PRSS36: variants seen among roughly 807,000 people sequenced by gnomAD.
PRSS36 encodes serine protease 36.
PRSS36 carries 90 observed loss-of-function variants against 94.3 expected under a neutral mutation model. The ratio of observed to expected loss-of-function variants is 0.95; its 90% confidence interval spans 0.80 to 1.14. The LOEUF is 1.14. Ranked by LOEUF, PRSS36 falls within the 50% of genes most tolerant of loss-of-function variation. The probability of loss-of-function intolerance (pLI) is 0.00; values close to 1 mark genes in which losing one functional copy is unlikely to be tolerated. For missense variants in PRSS36, 1,158 were observed against 1,135.0 expected (o/e 1.02, Z -0.29); for synonymous variants, 500 against 489.6 (o/e 1.02, Z -0.28).
Position 31,149,704 on chromosome 16 carries a change from T to C in PRSS36, c.65A>G (p.Gln22Arg). The change falls in exon 2 of 15, where the codon CAG (glutamine) becomes CGG (arginine). Residue 22 changes from glutamine (Q) to arginine (R), a missense_variant. By Grantham distance (43) the Gln-to-Arg change is conservative. Transcript: ENST00000268281. ...LVISPIPGAF[Q>R]DSALSPTQEE... ...CAGTCCGGCTACCTTACCTGAGTCC[T>C]GGAAGGCTCCTGGGATGGGACTGAT... is the stretch of plus-strand genomic sequence containing the variant. 6.2e-7 allele frequency: 1 copy of C among 1,614,196 alleles called. No individual in the cohort carries two copies. The highest frequency in any genetic ancestry group is 8.5e-7 in the Non-Finnish European group (1 of 1,180,026).
intron 14 of PRSS36, among the ~76,000 whole-genome samples, chr16:31,139,882 A>AAG: frequency 2.2e-5 from 1 of 45,072 alleles, no homozygotes; most frequent in African/African-American, 3.9e-5. Flanking sequence ...TCAGTCTCAA[A>AAG]AAAAAAAAAA....
intron 2 of PRSS36, 49 bp downstream of exon 2, chr16:31,149,647 G>C (rs1236953200): frequency 6.2e-7 from 1 of 1,612,760 alleles, no homozygotes; most frequent in Non-Finnish European, 8.5e-7. Context: ...CCAGTCCTCT[G>C]GTCTTTTCTG....
rs1024841000 is a variant in PRSS36, at chr16:31,143,856, A to G, written c.721-19T>C. Reference sequence around the variant, plus strand: ...AGTCACCCTAGTGGCAGATGACTGCATGTCAAGGGGTCAGCCCAGGGACCT... The same window carrying G: ...AGTCACCCTAGTGGCAGATGACTGCGTGTCAAGGGGTCAGCCCAGGGACCT... On this transcript the variant is annotated intron_variant, in intron 6 of 14. Transcript: ENST00000268281. 21 of 1,612,328 alleles carry G rather than the reference A, an allele frequency of 1.3e-5. No individual in the cohort carries two copies. The highest frequency in any genetic ancestry group is 1.1e-4 in the East Asian group (5 of 44,890).
At chr16:31,144,542 A>G (rs780396833) in intron 6 of PRSS36, among the ~76,000 whole-genome samples, 1 of 152,182 alleles carries the variant, frequency 6.6e-6, no homozygotes, top group Non-Finnish European at 1.5e-5. Flanking sequence ...TCCTGGGCTC[A>G]AGTGATCCTC....
chr16:31,145,401 C>T (rs575718607), intron 6 of PRSS36, among the ~76,000 whole-genome samples: 8 of 148,000 alleles, frequency 5.4e-5, no homozygotes, highest in East Asian at 3.9e-4. Flanking sequence ...AAAGGAACTC[C>T]GTCTCAAAAA....
chr16:31,149,028 G>T (rs1437022589), intron 4 of PRSS36, 45 bp downstream of exon 4: 2 of 1,525,630 alleles, frequency 1.3e-6, no homozygotes, highest in Admixed American at 2.1e-5. Context: ...GGGGGCGGGG[G>T]CCAGCTTTTG....
In PRSS36 at chr16:31,148,463, C is replaced by T; in HGVS notation, c.485G>A (p.Arg162His). 6.4e-7 allele frequency: 1 copy of T among 1,574,504 alleles called. No individual in the cohort carries two copies. The highest frequency in any genetic ancestry group is 1.3e-5 in the African/African-American group (1 of 74,116). Reference sequence around the variant, plus strand: ...GCCGTGCACGAAGCGGTGTGAGGCGCGGGGCAGGCAGACAGGCCACACGGC... The same window carrying T: ...GCCGTGCACGAAGCGGTGTGAGGCGTGGGGCAGGCAGACAGGCCACACGGC... ...GPAVWPVCLP[R>H]ASHRFVHGTA... The change falls in exon 5 of 15, where the codon CGC (arginine) becomes CAC (histidine). Residue 162 changes from arginine to histidine, a missense_variant. By Grantham distance (29) the Arg-to-His change is conservative. Transcript: ENST00000268281.
Position 31,145,380 on chromosome 16 carries a change from AAAAAAAAAAAAAAGG to A in PRSS36, c.720+394_720+408del, listed in dbSNP as rs1349969353. Among the ~76,000 whole-genome samples, 5 of 150,348 alleles carry A rather than the reference AAAAAAAAAAAAAAGG, an allele frequency of 3.3e-5. No homozygotes were observed. The East Asian group carries it at 9.7e-4, about 29-fold the overall frequency. The stretch of plus-strand genomic sequence containing the variant: ...TGAGCAAGACTCCGTCTCAAAAAAA[AAAAAAAAAAAAAAGG>A]AACTCCGTCTCAAAAAATAAATTAA... On this transcript the variant is annotated intron_variant, in intron 6 of 14. Transcript: ENST00000268281.
At position 31,140,673 on chromosome 16, in the gene PRSS36, G is replaced by T; in HGVS notation, c.1986C>A (p.Ser662=). Residue 662 remains serine (S), a synonymous_variant, in exon 13 of 15, where the codon TCC becomes TCA. Coordinates refer to ENST00000268281, the MANE Select transcript of PRSS36 (RefSeq NM_173502.5). ...ASSLPQGHQV[S]RLVISIRLPQ... is the part of the protein sequence containing the mutation. ...GCAGCCGGATGCTGATGACCAAGCGGGATACCTGGTGGCCCTGTGGGAGGG... is the reference window on the plus strand; with the variant it reads ...GCAGCCGGATGCTGATGACCAAGCGTGATACCTGGTGGCCCTGTGGGAGGG... 6.2e-7 allele frequency: 1 copy of T among 1,614,054 alleles called. No individual in the cohort carries two copies.
In PRSS36 at chr16:31,141,591, C is replaced by T. The variant is rs1567445001; in HGVS notation, c.1779G>A (p.Glu593=). 6.2e-7 allele frequency: 1 copy of T among 1,613,440 alleles called. No individual in the cohort carries two copies. The highest frequency in any genetic ancestry group is 8.5e-7 in the Non-Finnish European group (1 of 1,179,954). The stretch of plus-strand genomic sequence containing the variant: ...GCCACAGGACCCCCACTGGAGCAGC[C>T]TCCAGCCGCAGGCCACAGGCTAGGG... ...TEHGACGLRL[E]AAPVGVLWPW... Residue 593 remains glutamate, a synonymous_variant, in exon 12 of 15, where the codon GAG becomes GAA. Transcript: ENST00000268281.
chr16:31,148,489 G>T lies in PRSS36; in HGVS notation c.459C>A (p.Pro153=), dbSNP rs561935518. The change falls in exon 5 of 15, where the codon CCC becomes CCA. Residue 153 remains proline (P), a synonymous_variant. Transcript: ENST00000268281. ...GGGGCAGGCAGACAGGCCACACGGC[G>T]GGGCCCAGGCTGGCGGGTGAGGCCA... The part of the protein sequence containing the change: ...LRLASPASLG[P]AVWPVCLPRA... The T allele has an allele frequency of 5.7e-6, 9 of 1,578,838 alleles. No individual in the cohort carries two copies. Among genetic ancestry groups the T allele is most frequent in the Non-Finnish European group, 7.7e-6 (9 of 1,167,948 alleles).
chr16:31,148,353 C>T, intron 5 of PRSS36, 42 bp downstream of exon 5: 1 of 1,495,558 alleles, frequency 6.7e-7, no homozygotes, highest in Non-Finnish European at 8.8e-7. Context: ...TCTCGAAGCC[C>T]CACCTCCCCG....
In PRSS36 at chr16:31,148,477, AG is replaced by A; in HGVS notation, c.470del (p.Pro157LeufsTer42). 1 of 1,576,914 alleles carries A rather than the reference AG, an allele frequency of 6.3e-7. No individual in the cohort carries two copies. ...SPASLGPAVW[P>X]VCLPRASHRF... ...GGTGTGAGGCGCGGGGCAGGCAGAC[AG>A]GCCACACGGCGGGGCCCAGGCTGGC... On this transcript the variant is annotated frameshift_variant, in exon 5 of 15. Transcript: ENST00000268281. LOFTEE classifies it high-confidence loss of function.
At position 31,141,888 on chromosome 16, in the gene PRSS36, T is replaced by TG. The variant is rs2057699667; in HGVS notation, c.1593dup (p.Ser532GlnfsTer39). 6.2e-7 allele frequency: 1 copy of TG among 1,614,022 alleles called. No individual in the cohort carries two copies. Among genetic ancestry groups the TG allele is most frequent in the Non-Finnish European group, 8.5e-7 (1 of 1,180,026 alleles). Reference sequence around the variant, plus strand: ...AAGGCTCGGGGACGTAGACAGCCACTGGGAAAGTCTCTGATTCCAGCCAGA... The same window carrying TG: ...AAGGCTCGGGGACGTAGACAGCCACTGGGGAAAGTCTCTGATTCCAGCCAGA... On this transcript the variant is annotated frameshift_variant, in exon 11 of 15. Transcript: ENST00000268281. LOFTEE classifies it high-confidence loss of function.
At chr16:31,140,200 A>C (rs8047469) in intron 14 of PRSS36, 94 bp downstream of exon 14, 1 of 1,159,652 alleles carries the variant, frequency 8.6e-7, no homozygotes, top group Non-Finnish European at 1.1e-6. Context: ...AAAAAAAAAA[A>C]AAAAAAAAAA....
At position 31,142,876 on chromosome 16, in the gene PRSS36, G is replaced by C. The variant is rs964560739; in HGVS notation, c.1218C>G (p.Asp406Glu). Reference protein sequence around the residue: ...RLVQHENASWDNASDLALLQL... With the variant: ...RLVQHENASWENASDLALLQL... The stretch of plus-strand genomic sequence containing the variant: ...GCAGCAGCGCCAGGTCCGAGGCGTT[G>C]TCCCACGAAGCGTTCTCGTGCTGCA... The change falls in exon 9 of 15, where the codon GAC becomes GAG. Residue 406 changes from aspartate to glutamate, a missense_variant. Asp to Glu is a conservative substitution (Grantham distance 45). Coordinates refer to ENST00000268281, the MANE Select transcript of PRSS36 (RefSeq NM_173502.5). The C allele has an allele frequency of 1.9e-6, 3 of 1,560,726 alleles. No individual in the cohort carries two copies. Among genetic ancestry groups the C allele is most frequent in the African/African-American group, 1.4e-5 (1 of 70,482 alleles).
chr16:31,148,689 G>C lies in PRSS36; in HGVS notation c.273-14C>G, dbSNP rs749749254. 3.4e-5 allele frequency: 54 copies of C among 1,611,762 alleles called. No individual in the cohort carries two copies. The highest frequency in any genetic ancestry group is 4.5e-5 in the Non-Finnish European group (53 of 1,179,420). ...AGCGTCCCATTCCTGCGCTCGACCGGGGCAGTAGGAGGTTAGGTTGACCCT... is the reference window on the plus strand; with the variant it reads ...AGCGTCCCATTCCTGCGCTCGACCGCGGCAGTAGGAGGTTAGGTTGACCCT... On this transcript the variant is annotated splice_polypyrimidine_tract_variant and intron_variant, in intron 4 of 14. Coordinates refer to ENST00000268281, the MANE Select transcript of PRSS36 (RefSeq NM_173502.5).
In PRSS36 at chr16:31,145,895, G is replaced by T; in HGVS notation, c.614C>A (p.Thr205Asn). 2 of 1,614,004 alleles carry T rather than the reference G, an allele frequency of 1.2e-6. No homozygotes were observed. The highest frequency in any genetic ancestry group is 1.7e-6 in the Non-Finnish European group (2 of 1,179,964). The change falls in exon 6 of 15, where the codon ACC becomes AAC. Residue 205 changes from threonine (T) to asparagine (N), a missense_variant. Physicochemically the swap from Thr to Asn is moderately conservative, Grantham distance 65. Transcript: ENST00000268281. ...EVELRLLGEA[T>N]CQCLYSQPGP... ...GGGCTGGCTGTAGAGACATTGACAGGTGGCCTCGCCCAGCAGCCTTAGCTC... is the reference window on the plus strand; with the variant it reads ...GGGCTGGCTGTAGAGACATTGACAGTTGGCCTCGCCCAGCAGCCTTAGCTC...
chr16:31,140,835 A>G, intron 12 of PRSS36, 78 bp from the exon 13 acceptor site: 2 of 1,507,700 alleles, frequency 1.3e-6, no homozygotes, highest in East Asian at 2.3e-5. Context: ...GGGAAGGATG[A>G]CTCTCTGGGG....
Sources: allele counts gnomAD v4.1 joint callset (sites outside exome capture counted in the v4.1 genomes callset), GRCh38; gene constraint gnomAD v4.1.1; transcripts MANE v1.5; gene names NCBI Gene and HGNC (gene_info 2026-07-23, HGNC 2026-07-21).